Variants in DYNC1I1 observed in about 807,000 individuals in gnomAD.
DYNC1I1 encodes the protein cytoplasmic dynein 1 intermediate chain 1.
Under a neutral mutation model 86.6 loss-of-function variants are expected in DYNC1I1, and 43 were observed. The ratio of observed to expected loss-of-function variants is 0.50; its 90% confidence interval spans 0.39 to 0.64. The LOEUF (loss-of-function observed/expected upper bound fraction) is 0.64. Ranked by LOEUF, DYNC1I1 falls within the 30% of genes least tolerant of loss-of-function variation. The pLI, the probability that DYNC1I1 is intolerant of heterozygous loss-of-function variation, is 0.00. For missense variants in DYNC1I1, 604 were observed against 788.8 expected, an observed-to-expected ratio of 0.77 and a Z score of 2.81; for synonymous variants, 262 against 283.7, an observed-to-expected ratio of 0.92 and a Z score of 0.77.
At chr7:96,015,683 A>G (rs1358778524) in intron 10 of DYNC1I1, among the ~76,000 whole-genome samples, 1 of 152,100 alleles carries the variant, frequency 6.6e-6, no homozygotes, top group African/African-American at 2.4e-5. Context: ...AATTGCCTTC[A>G]GCTTAGAAAT....
At chr7:96,042,064 T>TA (rs1789068185) in intron 14 of DYNC1I1, among the ~76,000 whole-genome samples, 1 of 152,178 alleles carries the variant, frequency 6.6e-6, no homozygotes, top group Non-Finnish European at 1.5e-5. Flanking sequence ...CCTAAAGGGA[T>TA]ATATTTTAAG....
chr7:95,811,315 T>C (rs141144428), intron 3 of DYNC1I1, among the ~76,000 whole-genome samples: 2,206 of 152,248 alleles, frequency 0.014, 65 homozygotes, highest in African/African-American at 0.051. Context: ...ATATCCAATA[T>C]AGTTAAAAAC....
intron 5 of DYNC1I1, among the ~76,000 whole-genome samples, chr7:95,850,343 T>C (rs1041450308): frequency 6.6e-6 from 1 of 152,200 alleles, no homozygotes; most frequent in Non-Finnish European, 1.5e-5. Context: ...GCTGTGGGTT[T>C]GTCATATATG....
intron 11 of DYNC1I1, among the ~76,000 whole-genome samples, chr7:96,031,460 T>G (rs1038375752): frequency 6.6e-6 from 1 of 152,126 alleles, no homozygotes; most frequent in African/African-American, 2.4e-5. Context: ...TCCTTGAACT[T>G]TCTTTATCCC....
At chr7:95,862,713 C>CT (rs1239810723) in intron 5 of DYNC1I1, among the ~76,000 whole-genome samples, 4 of 152,146 alleles carry the variant, frequency 2.6e-5, no homozygotes, top group African/African-American at 9.7e-5. Flanking sequence ...GATATGTATT[C>CT]AAGATAATTG....
At chr7:95,859,540 C>T (rs569904821) in intron 5 of DYNC1I1, among the ~76,000 whole-genome samples, 1 of 152,366 alleles carries the variant, frequency 6.6e-6, no homozygotes, top group East Asian at 1.9e-4. Flanking sequence ...AGCCCCAGTC[C>T]ACTGTGGCTG....
chr7:95,949,373 G>A (rs1382244741), intron 6 of DYNC1I1, among the ~76,000 whole-genome samples: 2 of 152,172 alleles, frequency 1.3e-5, no homozygotes, highest in African/African-American at 4.8e-5. Context: ...TACTGCCCTG[G>A]GCAGGGCCAG....
At chr7:95,785,189 A>G (rs904525744) in intron 1 of DYNC1I1, among the ~76,000 whole-genome samples, 7 of 152,132 alleles carry the variant, frequency 4.6e-5, no homozygotes, top group Admixed American at 2.0e-4. Flanking sequence ...AGGCAGGTAG[A>G]TTGCTTGAGT....
At chr7:95,870,789 C>A (rs2116170812) in intron 6 of DYNC1I1, among the ~76,000 whole-genome samples, 1 of 152,220 alleles carries the variant, frequency 6.6e-6, no homozygotes, top group East Asian at 1.9e-4. Flanking sequence ...TCCTAGAATT[C>A]AAAACTTTAT....
chr7:95,804,408 A>G (rs1337822290), intron 1 of DYNC1I1: 2 of 1,258,638 alleles, frequency 1.6e-6, no homozygotes, highest in Admixed American at 5.1e-5. Flanking sequence ...ATTTTTGTTT[A>G]TTTGTTAAGA....
intron 16 of DYNC1I1, among the ~76,000 whole-genome samples, chr7:96,097,199 C>T (rs532307138): frequency 6.6e-6 from 1 of 152,258 alleles, no homozygotes; most frequent in East Asian, 1.9e-4. Context: ...TTACTAAAAG[C>T]ACTTTGATGT....
chr7:96,104,120 TATCTTGGCCAC>T (rs1791179187), intron 16 of DYNC1I1, among the ~76,000 whole-genome samples: 1 of 152,202 alleles, frequency 6.6e-6, no homozygotes, highest in South Asian at 2.1e-4. Context: ...TCCCTTCTAG[TATCTTGGCCAC>T]ATCTTGGCCA....
chr7:95,949,612 T>C (rs1792498240), intron 6 of DYNC1I1, among the ~76,000 whole-genome samples: 2 of 152,208 alleles, frequency 1.3e-5, no homozygotes, highest in East Asian at 1.9e-4. Context: ...CTGGTAGATG[T>C]GACATATTCA....
intron 6 of DYNC1I1, among the ~76,000 whole-genome samples, chr7:95,900,088 C>T (rs760591825): frequency 6.6e-5 from 10 of 152,088 alleles, no homozygotes; most frequent in African/African-American, 9.7e-5. Flanking sequence ...CTGCCTTTTC[C>T]GGCCACAGCT....
In DYNC1I1 at chr7:96,039,483, C is replaced by G. The variant is rs1788971198; in HGVS notation, c.1509+62C>G. 5.0e-6 allele frequency: 8 copies of G among 1,604,536 alleles called. No homozygotes were observed. In the South Asian group the frequency reaches 6.6e-5, roughly 13 times the overall value. ...TAAGGGCAGAGGATGGTTTTTCATT[C>G]CCTGGAAACAGTTGTCCCTAAAGCC... On this transcript the variant is annotated intron_variant, in intron 14 of 16. Coordinates refer to ENST00000447467, the MANE Select transcript of DYNC1I1 (RefSeq NM_001135556.2).
At chr7:95,861,719 A>G (rs535931285) in intron 5 of DYNC1I1, among the ~76,000 whole-genome samples, 4 of 152,164 alleles carry the variant, frequency 2.6e-5, no homozygotes, top group Admixed American at 1.3e-4. Flanking sequence ...TGTGAATTGT[A>G]TAGTATCTAA....
At chr7:96,042,794 A>G (rs774079269) in intron 14 of DYNC1I1, among the ~76,000 whole-genome samples, 3 of 152,206 alleles carry the variant, frequency 2.0e-5, no homozygotes, top group African/African-American at 4.8e-5. Context: ...TGTCTTTTCT[A>G]TATGAATTGT....
intron 4 of DYNC1I1, among the ~76,000 whole-genome samples, chr7:95,816,600 G>A (rs1794951496): frequency 6.6e-6 from 1 of 152,088 alleles, no homozygotes. Context: ...TGGATTTTAA[G>A]AGCTTGTTGA....
intron 10 of DYNC1I1, among the ~76,000 whole-genome samples, chr7:96,005,977 A>C (rs1484340429): frequency 1.3e-5 from 2 of 152,170 alleles, no homozygotes; most frequent in Non-Finnish European, 2.9e-5. Context: ...TATCAAAGTA[A>C]ATGTGCTTCT....
Sources: gnomAD v4.1 joint callset for allele counts (sites outside exome capture counted in the v4.1 genomes callset) on GRCh38, gnomAD v4.1.1 for gene constraint, MANE v1.5 for transcripts, NCBI Gene and HGNC (gene_info 2026-07-23, HGNC 2026-07-21) for gene names.